TRAF6: variants seen among roughly 807,000 people sequenced by gnomAD.
TRAF6 encodes the protein TNF receptor associated factor 6.
In TRAF6, 10 loss-of-function variants were observed where a neutral mutation model predicts 48.4. The ratio of observed to expected loss-of-function variants is 0.21; its 90% CI spans 0.13 to 0.35. TRAF6 has a LOEUF of 0.35. Ranked by LOEUF, TRAF6 falls within the 10% of genes least tolerant of loss-of-function variation. TRAF6 has a pLI of 1.00. For synonymous variants in TRAF6, 186 were observed against 219.6 expected, an observed-to-expected ratio of 0.85 and a Z score of 1.35; for missense variants, 397 against 661.0, an observed-to-expected ratio of 0.60 and a Z score of 4.38.
rs978581209 is a variant in TRAF6, at chr11:36,487,808, G to T, written c.*2030C>A. On this transcript the variant is annotated 3_prime_UTR_variant, in exon 7 of 7. Coordinates refer to ENST00000526995, the MANE Select transcript of TRAF6 (RefSeq NM_004620.4). ...TCTTTGTATCTAATGCACAGCCAGT[G>T]CTTTTAATAGAAATCTGACCAGGAA... 41 of 152,204 alleles carry T rather than the reference G, an allele frequency of 2.7e-4. No homozygotes were observed. Among genetic ancestry groups the T allele is most frequent in the African/African-American group, 7.9e-4 (33 of 41,520 alleles). The allele number at this position is 152,204 out of a possible 1,614,324, so 9.4% of individuals were successfully genotyped here. A position where few individuals can be genotyped will look rare whatever the true frequency, so the allele number is the denominator to read the frequency against.
At chr11:36,502,201 G>A (rs1428124646) in intron 1 of TRAF6, among the ~76,000 whole-genome samples, 1 of 152,124 alleles carries the variant, frequency 6.6e-6, no homozygotes, top group Admixed American at 6.5e-5. Flanking sequence ...ACTTCCAAAT[G>A]CTCAGTGTGG....
chr11:36,501,408 C>T lies in TRAF6; in HGVS notation c.108G>A (p.Val36=). The T allele has an allele frequency of 1.2e-6, 2 of 1,614,140 alleles. No homozygotes were observed. The highest frequency in any genetic ancestry group is 8.5e-7 in the Non-Finnish European group (1 of 1,180,032). ...SCSAVTKDDS[V]GGTASTGNLS... ...GGTTCCCCGTGCTGGCAGTTCCACC[C>T]ACACTATCATCTTTTGTTACAGCGC... Residue 36 remains valine, a synonymous_variant, in exon 2 of 7, where the codon GTG becomes GTA. Coordinates refer to ENST00000526995, the MANE Select transcript of TRAF6 (RefSeq NM_004620.4).
At chr11:36,499,424 A>G (rs1161848901) in intron 2 of TRAF6, among the ~76,000 whole-genome samples, 1 of 152,046 alleles carries the variant, frequency 6.6e-6, no homozygotes, top group Non-Finnish European at 1.5e-5. Context: ...GAAAAAAAAA[A>G]GCCTCAGACT....
At chr11:36,497,026 C>CTACT in intron 4 of TRAF6, 82 bp downstream of exon 4, 1 of 1,413,520 alleles carries the variant, frequency 7.1e-7, no homozygotes, top group Non-Finnish European at 9.7e-7. Flanking sequence ...ACATCCTTAT[C>CTACT]TACTGCTAAC....
At chr11:36,503,228 C>T (rs530730111) in intron 1 of TRAF6, among the ~76,000 whole-genome samples, 6 of 152,118 alleles carry the variant, frequency 3.9e-5, no homozygotes, top group African/African-American at 1.4e-4. Flanking sequence ...GTCTGTCCAG[C>T]ACTACTACAC....
chr11:36,507,723 G>A (rs1397232908), intron 1 of TRAF6, among the ~76,000 whole-genome samples: 1 of 122,252 alleles, frequency 8.2e-6, no homozygotes, highest in African/African-American at 3.2e-5. Flanking sequence ...ACACGCGCGT[G>A]TATATATGTA....
At chr11:36,497,376 G>T in intron 3 of TRAF6, 110 bp from the exon 4 acceptor site, 1 of 1,010,390 alleles carries the variant, frequency 9.9e-7, no homozygotes, top group Non-Finnish European at 1.4e-6. Flanking sequence ...AACCTACTTT[G>T]TCTAATGCAC....
Position 36,507,163 on chromosome 11 carries a change from T to C in TRAF6, c.-23+2885A>G, listed in dbSNP as rs1042899902. 1.0e-3 allele frequency among the ~76,000 whole-genome samples: 129 copies of C among 129,068 alleles called. 6 individuals are homozygous for C. Among genetic ancestry groups the C allele is most frequent in the Middle Eastern group, 8.2e-3 (1 of 122 alleles). The allele number at this position is 129,068 out of a possible 152,430, so 84.7% of individuals were successfully genotyped here. A position where few individuals can be genotyped will look rare whatever the true frequency, so the allele number is the denominator to read the frequency against. On this transcript the variant is annotated intron_variant, in intron 1 of 6. Transcript: ENST00000526995. ...ATGTATATATGTATATATACATGTA[T>C]TATACATACATAAATGTATATATGT...
chr11:36,508,035 T>C (rs1001200408), intron 1 of TRAF6, among the ~76,000 whole-genome samples: 4 of 151,766 alleles, frequency 2.6e-5, no homozygotes, highest in African/African-American at 9.7e-5. Flanking sequence ...TTTGTATTTT[T>C]TTGTAGAGAC....
chr11:36,488,764 T>C lies in TRAF6; in HGVS notation c.*1074A>G, dbSNP rs1346329176. ...AACCACTGTGACTTCTAATCCTAGT[T>C]TGGTGACCTCCTAGGTATCTCCAAT... is the stretch of plus-strand genomic sequence containing the variant. On this transcript the variant is annotated 3_prime_UTR_variant, in exon 7 of 7. Coordinates refer to ENST00000526995, the MANE Select transcript of TRAF6 (RefSeq NM_004620.4). 2 of 152,200 alleles carry C rather than the reference T, an allele frequency of 1.3e-5. No homozygotes were observed. Among genetic ancestry groups the C allele is most frequent in the African/African-American group, 2.4e-5 (1 of 41,446 alleles). 9.4% of individuals were successfully genotyped at this position (152,200 alleles called of 1,614,324 possible). A position where few individuals can be genotyped will look rare whatever the true frequency, so the allele number is the denominator to read the frequency against.
intron 2 of TRAF6, among the ~76,000 whole-genome samples, chr11:36,500,406 C>A (rs1859700192): frequency 2.0e-5 from 3 of 152,054 alleles, no homozygotes; most frequent in African/African-American, 7.3e-5. Flanking sequence ...CTGACATGTT[C>A]AAGGGATAGC....
Position 36,486,515 on chromosome 11 carries a change from T to C in TRAF6, c.*3323A>G, listed in dbSNP as rs1201650447. On this transcript the variant is annotated 3_prime_UTR_variant, in exon 7 of 7. Transcript: ENST00000526995. ...GTGTAAAAACGGTAATAGAGAATTA[T>C]ACTGTGACCTGTATAATTTTATATG... Among the ~76,000 whole-genome samples, 1 of 152,142 alleles carries C rather than the reference T, an allele frequency of 6.6e-6. No individual in the cohort carries two copies. Among genetic ancestry groups the C allele is most frequent in the East Asian group, 1.9e-4 (1 of 5,196 alleles).
intron 1 of TRAF6, among the ~76,000 whole-genome samples, chr11:36,506,180 G>A (rs1265904843): frequency 6.6e-6 from 1 of 150,834 alleles, no homozygotes; most frequent in Non-Finnish European, 1.5e-5. Context: ...CAAAAAACCA[G>A]TGCTATAAAA....
chr11:36,498,465 A>T, intron 3 of TRAF6, 25 bp downstream of exon 3: 4 of 1,596,040 alleles, frequency 2.5e-6, no homozygotes, highest in Non-Finnish European at 3.4e-6. Context: ...TACATGTGCT[A>T]ACAGCTAGAA....
At chr11:36,504,182 CAAAAT>C (rs5030428) in intron 1 of TRAF6, among the ~76,000 whole-genome samples, 3,656 of 152,200 alleles carry the variant, frequency 0.024, 129 homozygotes, top group African/African-American at 0.084. Context: ...GAAAATTTCT[CAAAAT>C]AATACAACAA....
chr11:36,501,118 T>G, intron 2 of TRAF6, 102 bp downstream of exon 2: 2 of 1,169,376 alleles, frequency 1.7e-6, no homozygotes, highest in Non-Finnish European at 2.3e-6. Flanking sequence ...TAAGTAGCTT[T>G]TTATGTGTAA....
At chr11:36,493,738 C>T (rs914400767) in intron 5 of TRAF6, among the ~76,000 whole-genome samples, 3 of 152,120 alleles carry the variant, frequency 2.0e-5, no homozygotes, top group African/African-American at 7.2e-5. Context: ...TAATTTGTTG[C>T]ATGGTTTCCT....
chr11:36,507,784 G>T (rs1859825144), intron 1 of TRAF6, among the ~76,000 whole-genome samples: 1 of 137,940 alleles, frequency 7.2e-6, no homozygotes. Flanking sequence ...ACAAATATAT[G>T]TATATATTAT....
At chr11:36,500,794 G>C (rs1394677578) in intron 2 of TRAF6, among the ~76,000 whole-genome samples, 1 of 151,492 alleles carries the variant, frequency 6.6e-6, no homozygotes, top group African/African-American at 2.4e-5. Flanking sequence ...ATACACTTTA[G>C]GTAATAAACA....
Sources: gnomAD v4.1 joint callset for allele counts (sites outside exome capture counted in the v4.1 genomes callset) on GRCh38, gnomAD v4.1.1 for gene constraint, MANE v1.5 for transcripts, NCBI Gene and HGNC (gene_info 2026-07-23, HGNC 2026-07-21) for gene names.